Variants in PYHIN1 observed in about 807,000 individuals in gnomAD.
PYHIN1 encodes pyrin and HIN domain-containing protein 1.
In PYHIN1, 32 loss-of-function variants were observed where a neutral mutation model predicts 43.7. The observed-to-expected ratio is 0.73, with a 90% confidence interval of 0.55 to 0.98. PYHIN1 has a LOEUF of 0.98. Ranked by LOEUF, PYHIN1 falls within the 50% of genes least tolerant of loss-of-function variation. The pLI is 0.00. For missense variants in PYHIN1, 588 were observed against 589.5 expected, an observed-to-expected ratio of 1.00 and a Z score of 0.03; for synonymous variants, 205 against 203.1, an observed-to-expected ratio of 1.01 and a Z score of -0.08.
At chr1:158,934,536 TG>T (rs2101638545) in intron 1 of PYHIN1, among the ~76,000 whole-genome samples, 1 of 152,304 alleles carries the variant, frequency 6.6e-6, no homozygotes, top group African/African-American at 2.4e-5. Flanking sequence ...AGTATTTATT[TG>T]TTTTTTATGT....
At chr1:158,951,492 A>C (rs72704930) in intron 7 of PYHIN1, among the ~76,000 whole-genome samples, 16,995 of 152,108 alleles carry the variant, frequency 0.11, 1,103 homozygotes, top group Non-Finnish European at 0.12. Context: ...GTTTCCAAGG[A>C]CAATATCAGA....
At chr1:158,961,474 G>C (rs1469044279) in intron 7 of PYHIN1, among the ~76,000 whole-genome samples, 3 of 152,064 alleles carry the variant, frequency 2.0e-5, no homozygotes, top group Non-Finnish European at 2.9e-5. Context: ...GAAGAGAGTA[G>C]CAAGTAAATG....
chr1:158,964,572 G>A (rs1322488402), intron 7 of PYHIN1, among the ~76,000 whole-genome samples: 1 of 152,084 alleles, frequency 6.6e-6, no homozygotes, highest in African/African-American at 2.4e-5. Context: ...GAAGAGCTTG[G>A]GACCTATATT....
At chr1:158,964,898 T>TA (rs1198149998) in intron 7 of PYHIN1, among the ~76,000 whole-genome samples, 5 of 152,118 alleles carry the variant, frequency 3.3e-5, no homozygotes. Context: ...TATTAACCTT[T>TA]AATGTAAACA....
At chr1:158,945,152 ATAAAAT>A (rs1258197637) in intron 7 of PYHIN1, 110 bp downstream of exon 7, 1 of 1,093,100 alleles carries the variant, frequency 9.1e-7, no homozygotes, top group African/African-American at 1.6e-5. Context: ...CAATCTCTAG[ATAAAAT>A]TAAATCACCC....
chr1:158,942,047 C>T lies in PYHIN1; in HGVS notation c.650C>T (p.Ala217Val), dbSNP rs142197427. The T allele has an allele frequency of 7.2e-5, 116 of 1,613,266 alleles. No individual in the cohort carries two copies. In the East Asian group the frequency reaches 9.8e-4, roughly 14 times the overall value. The change falls in exon 5 of 9, where the codon GCG becomes GTG. Residue 217 changes from alanine to valine, a missense_variant. Coordinates refer to ENST00000368140, the MANE Select transcript of PYHIN1 (RefSeq NM_152501.5). ...KNIFREDPII[A>V]MVLNATKVFK... is the part of the protein sequence containing the mutation. The stretch of plus-strand genomic sequence containing the variant: ...ATTTTCCGAGAAGACCCAATAATCG[C>T]GATGGTACTAAATGCAACAAAAGTA...
intron 7 of PYHIN1, among the ~76,000 whole-genome samples, chr1:158,961,780 T>C (rs1244214625): frequency 6.6e-6 from 1 of 152,084 alleles, no homozygotes. Context: ...GAGCCACCAC[T>C]CAGGCATACA....
rs1455970417 is a variant in PYHIN1, at chr1:158,942,357, A to C, written c.960A>C (p.Gln320His). 6.2e-7 allele frequency: 1 copy of C among 1,611,694 alleles called. No homozygotes were observed. Among genetic ancestry groups the C allele is most frequent in the South Asian group, 1.1e-5 (1 of 90,442 alleles). ...CGAAGATCAATATTCTTCACAAACA[A>C]ACTTCAGGATATATTGTATATGGAT... Reference protein sequence around the residue: ...KIPKINILHKQTSGYIVYGLF... With the variant: ...KIPKINILHKHTSGYIVYGLF... Residue 320 changes from glutamine to histidine, a missense_variant, in exon 5 of 9, where the codon CAA (glutamine) becomes CAC (histidine). Gln to His is a conservative substitution (Grantham distance 24). Transcript: ENST00000368140.
rs971662411 is a variant in PYHIN1 at position 158,944,860 on chromosome 1, A to T, written c.1192-15A>T. ...AATATTAAAAAACATTAAACAAAAA[A>T]ATGAATACTTTCAGATACAGAAAAA... On this transcript the variant is annotated splice_polypyrimidine_tract_variant and intron_variant, in intron 6 of 8. Transcript: ENST00000368140. 6.5e-7 allele frequency: 1 copy of T among 1,529,064 alleles called. No individual in the cohort carries two copies. Among genetic ancestry groups the T allele is most frequent in the Non-Finnish European group, 8.8e-7 (1 of 1,139,142 alleles). 94.7% of individuals were successfully genotyped at this position (1,529,064 alleles called of 1,614,324 possible). A position where few individuals can be genotyped will look rare whatever the true frequency, so the allele number is the denominator to read the frequency against.
chr1:158,980,735 C>T (rs1028057437), downstream of PYHIN1, among the ~76,000 whole-genome samples: 6 of 152,162 alleles, frequency 3.9e-5, no homozygotes, highest in Non-Finnish European at 8.8e-5. Context: ...ACATGCACCG[C>T]TGAACATAGA....
intron 4 of PYHIN1, 87 bp downstream of exon 4, chr1:158,939,334 C>A: frequency 1.3e-6 from 2 of 1,588,308 alleles, no homozygotes; most frequent in Admixed American, 3.4e-5. Context: ...AAAATGACAT[C>A]AATCATCAGC....
rs1370233304 is a variant in PYHIN1, at chr1:158,942,007, A to T, written c.610A>T (p.Thr204Ser). The stretch of plus-strand genomic sequence containing the variant: ...AAAACCATTGGCCAACCGTCACGCA[A>T]CTGCCAGTAAAAATATTTTCCGAGA... ...SLKPLANRHA[T>S]ASKNIFREDP... The change falls in exon 5 of 9, where the codon ACT (threonine) becomes TCT (serine). Residue 204 changes from threonine to serine, a missense_variant. Transcript: ENST00000368140. The T allele has an allele frequency of 6.2e-7, 1 of 1,610,686 alleles. No homozygotes were observed. Among genetic ancestry groups the T allele is most frequent in the African/African-American group, 1.3e-5 (1 of 74,720 alleles).
intron 7 of PYHIN1, among the ~76,000 whole-genome samples, chr1:158,952,853 T>C (rs1449719845): frequency 2.0e-5 from 3 of 152,150 alleles, no homozygotes; most frequent in Non-Finnish European, 4.4e-5. Context: ...CGAGTTCATC[T>C]CACTAGGGAG....
At chr1:158,963,789 A>G (rs1444827316) in intron 7 of PYHIN1, among the ~76,000 whole-genome samples, 4 of 152,316 alleles carry the variant, frequency 2.6e-5, no homozygotes, top group Non-Finnish European at 5.9e-5. Context: ...TACTCAAAAG[A>G]AACAGTGCAA....
intron 5 of PYHIN1, among the ~76,000 whole-genome samples, 182 bp downstream of exon 5, chr1:158,942,581 T>C (rs1648987572): frequency 6.6e-6 from 1 of 152,204 alleles, no homozygotes; most frequent in Non-Finnish European, 1.5e-5. Context: ...ACTATTAATG[T>C]TCTCATTCTT....
chr1:158,935,842 A>G (rs938618571), intron 1 of PYHIN1, among the ~76,000 whole-genome samples: 8 of 152,132 alleles, frequency 5.3e-5, no homozygotes, highest in African/African-American at 1.9e-4. Flanking sequence ...AGAGCAACCA[A>G]GCACTTTGAC....
rs563382457 is a variant in PYHIN1 at position 158,958,500 on chromosome 1, G to A, written c.1359+13458G>A. On this transcript the variant is annotated intron_variant, in intron 7 of 8. Coordinates refer to ENST00000368140, the MANE Select transcript of PYHIN1 (RefSeq NM_152501.5). Reference sequence around the variant, plus strand: ...AAATCATCATTCTCAGTAAACTATCGCAAGAACAAAAAACCAAACACTGCA... The same window carrying A: ...AAATCATCATTCTCAGTAAACTATCACAAGAACAAAAAACCAAACACTGCA... 6.4e-4 allele frequency among the ~76,000 whole-genome samples: 93 copies of A among 145,944 alleles called. No homozygotes were observed. In the South Asian group the frequency reaches 7.8e-3, roughly 12 times the overall value.
chr1:158,978,615 CTT>C (rs1320461270), downstream of PYHIN1, among the ~76,000 whole-genome samples: 1 of 152,078 alleles, frequency 6.6e-6, no homozygotes, highest in African/African-American at 2.4e-5. Flanking sequence ...ATGGACCACT[CTT>C]GAGTATGTAG....
chr1:158,986,453 T>C, the PYHIN1 span, among the ~76,000 whole-genome samples: 1 of 152,142 alleles, frequency 6.6e-6, no homozygotes, highest in East Asian at 1.9e-4. Context: ...TTCTGACCAC[T>C]TGAGGTAAAG....
Sources: allele counts gnomAD v4.1 joint callset (sites outside exome capture counted in the v4.1 genomes callset), GRCh38; gene constraint gnomAD v4.1.1; transcripts MANE v1.5; gene names NCBI Gene and HGNC (gene_info 2026-07-23, HGNC 2026-07-21).